The following RSPO2 variants were observed in gnomAD, a reference collection of about 807,000 sequenced individuals.
RSPO2 encodes R-spondin 2.
In RSPO2, 14 loss-of-function variants were observed where a neutral mutation model predicts 30.9. The observed-to-expected ratio is 0.45, with a 90% confidence interval of 0.30 to 0.71. The LOEUF is 0.71. RSPO2 is among the 30% of genes least tolerant of loss of function. RSPO2 has a pLI of 0.08. For missense variants in RSPO2, 264 were observed against 301.9 expected (o/e 0.87, Z 0.93); for synonymous variants, 107 against 96.4 (o/e 1.11, Z -0.64).
intron 5 of RSPO2, among the ~76,000 whole-genome samples, chr8:107,921,277 T>TAC (rs71308759): frequency 0.065 from 9,600 of 148,712 alleles, 527 homozygotes; most frequent in African/African-American, 0.15. Context: ...TAGCAGATTT[T>TAC]ACACACACAC....
intron 3 of RSPO2, among the ~76,000 whole-genome samples, chr8:107,986,483 C>G (rs1239050642): frequency 6.6e-6 from 1 of 152,080 alleles, no homozygotes; most frequent in East Asian, 1.9e-4. Flanking sequence ...AAAACTAAGC[C>G]AAAATGTGCT....
intron 2 of RSPO2, among the ~76,000 whole-genome samples, chr8:108,004,119 G>T (rs1815371649): frequency 6.6e-6 from 1 of 152,102 alleles, no homozygotes; most frequent in Admixed American, 6.5e-5. Context: ...ACAAAATTAA[G>T]ATATCACCCA....
At chr8:107,955,791 G>A (rs1813412917) in intron 5 of RSPO2, among the ~76,000 whole-genome samples, 1 of 152,140 alleles carries the variant, frequency 6.6e-6, no homozygotes, top group Non-Finnish European at 1.5e-5. Context: ...TGCTGCTTTA[G>A]TGTGAAGGAG....
intron 5 of RSPO2, among the ~76,000 whole-genome samples, chr8:107,911,414 C>T (rs1011941177): frequency 3.0e-4 from 45 of 152,210 alleles, no homozygotes; most frequent in Non-Finnish European, 5.7e-4. Context: ...GAGTCTGGGG[C>T]GTCAGACAGC....
intron 2 of RSPO2, among the ~76,000 whole-genome samples, chr8:108,065,197 C>A (rs1212399096): frequency 6.6e-6 from 1 of 150,418 alleles, no homozygotes; most frequent in Non-Finnish European, 1.5e-5. Context: ...ACTACAACAC[C>A]TAGATGACGT....
At chr8:108,016,810 A>ACT (rs951648797) in intron 2 of RSPO2, among the ~76,000 whole-genome samples, 82 of 151,254 alleles carry the variant, frequency 5.4e-4, no homozygotes, top group African/African-American at 1.8e-3. Flanking sequence ...CCTCTTCCCA[A>ACT]CTCTCTCTCG....
intron 2 of RSPO2, among the ~76,000 whole-genome samples, chr8:108,015,535 T>G (rs1810859930): frequency 6.6e-6 from 1 of 152,170 alleles, no homozygotes; most frequent in African/African-American, 2.4e-5. Flanking sequence ...CTGTCCTTGT[T>G]GGGCCTACCT....
intron 3 of RSPO2, among the ~76,000 whole-genome samples, chr8:107,979,066 C>A (rs1467345852): frequency 6.6e-6 from 1 of 152,172 alleles, no homozygotes; most frequent in Admixed American, 6.5e-5. Flanking sequence ...AATAGGAACA[C>A]TTTTACATTG....
At chr8:108,075,403 C>T (rs140351585) in intron 2 of RSPO2, among the ~76,000 whole-genome samples, 220 of 151,990 alleles carry the variant, frequency 1.4e-3, no homozygotes, top group African/African-American at 5.0e-3. Context: ...ATCACTTGGA[C>T]CCAGGAGGTG....
chr8:108,009,227 A>G (rs1299604327), intron 2 of RSPO2, among the ~76,000 whole-genome samples: 1 of 152,202 alleles, frequency 6.6e-6, no homozygotes, highest in African/African-American at 2.4e-5. Context: ...TCTATGAAAT[A>G]TGAATTTCAT....
At chr8:108,000,792 G>A (rs1815217087) in intron 2 of RSPO2, among the ~76,000 whole-genome samples, 1 of 152,020 alleles carries the variant, frequency 6.6e-6, no homozygotes, top group Admixed American at 6.5e-5. Flanking sequence ...ACCAGGTTAG[G>A]AGATTGAGAT....
chr8:107,988,063 T>C (rs1041087097), intron 3 of RSPO2, among the ~76,000 whole-genome samples: 1 of 152,194 alleles, frequency 6.6e-6, no homozygotes, highest in Non-Finnish European at 1.5e-5. Context: ...GAAAGGGATG[T>C]TCCTTTGGTA....
chr8:107,929,345 AT>A (rs1371978958), intron 5 of RSPO2, among the ~76,000 whole-genome samples: 1 of 152,216 alleles, frequency 6.6e-6, no homozygotes, highest in African/African-American at 2.4e-5. Context: ...TTCAGGATGG[AT>A]GTTTACCAAA....
intron 2 of RSPO2, among the ~76,000 whole-genome samples, chr8:108,053,514 T>C (rs1812139194): frequency 6.6e-6 from 1 of 152,160 alleles, no homozygotes; most frequent in Non-Finnish European, 1.5e-5. Flanking sequence ...TAGTGAATCT[T>C]GAAAAAGCCA....
intron 5 of RSPO2, among the ~76,000 whole-genome samples, chr8:107,915,699 G>A (rs765354519): frequency 6.6e-5 from 10 of 152,082 alleles, no homozygotes; most frequent in East Asian, 3.9e-4. Context: ...GGTCACATTC[G>A]GTGAGCCCTG....
At chr8:107,959,817 A>G (rs1423015077) in intron 4 of RSPO2, among the ~76,000 whole-genome samples, 2 of 152,210 alleles carry the variant, frequency 1.3e-5, no homozygotes, top group African/African-American at 4.8e-5. Context: ...ACTTGTTTAA[A>G]TGTCTTCTTT....
At chr8:108,076,064 G>C (rs1383800370) in intron 2 of RSPO2, among the ~76,000 whole-genome samples, 1 of 152,218 alleles carries the variant, frequency 6.6e-6, no homozygotes, top group Non-Finnish European at 1.5e-5. Flanking sequence ...ATTGATTTTG[G>C]CTTTAGAAAG....
At chr8:108,022,627 T>C (rs904625937) in intron 2 of RSPO2, among the ~76,000 whole-genome samples, 3 of 152,122 alleles carry the variant, frequency 2.0e-5, no homozygotes, top group Non-Finnish European at 2.9e-5. Flanking sequence ...ACAATAAGTT[T>C]AAAAACACAG....
In RSPO2 at chr8:107,966,305, G is replaced by C. The variant is rs1186956080; in HGVS notation, c.284-5488C>G. Among the ~76,000 whole-genome samples the C allele has an allele frequency of 2.0e-5, 3 of 152,082 alleles. No individual in the cohort carries two copies. In the East Asian group the frequency reaches 5.8e-4, roughly 29 times the overall value. On this transcript the variant is annotated intron_variant, in intron 3 of 5. Coordinates refer to ENST00000276659, the MANE Select transcript of RSPO2 (RefSeq NM_178565.5). ...ATTGAGACAGGTAACAGTCCCTATG[G>C]GCCAACCATCCTGACAGGTACATAG...
Sources: gnomAD v4.1 joint callset for allele counts (sites outside exome capture counted in the v4.1 genomes callset) on GRCh38, gnomAD v4.1.1 for gene constraint, MANE v1.5 for transcripts, NCBI Gene and HGNC (gene_info 2026-07-23, HGNC 2026-07-21) for gene names.